SYNCRIP: variants seen among roughly 807,000 people sequenced by gnomAD.
SYNCRIP encodes the protein synaptotagmin binding cytoplasmic RNA interacting protein.
SYNCRIP carries 9 observed loss-of-function variants against 68.9 expected under a neutral mutation model. The ratio of observed to expected loss-of-function variants is 0.13; its 90% CI spans 0.08 to 0.23. The LOEUF (loss-of-function observed/expected upper bound fraction) is 0.23, where lower values mean the gene tolerates loss of function less well. Among genes scored for constraint, SYNCRIP ranks in the 10% least tolerant of loss-of-function variants. The pLI, the probability that SYNCRIP is intolerant of heterozygous loss-of-function variation, is 1.00. For synonymous variants in SYNCRIP, 258 were observed against 254.0 expected, an observed-to-expected ratio of 1.02 and a Z score of -0.15; for missense variants, 414 against 770.6, an observed-to-expected ratio of 0.54 and a Z score of 5.48.
chr6:85,614,735 T>C lies in SYNCRIP; in HGVS notation c.*21A>G. On this transcript the variant is annotated 3_prime_UTR_variant, in exon 11 of 11. Coordinates refer to ENST00000369622, the MANE Select transcript of SYNCRIP (RefSeq NM_006372.5). ...TCTGATCAACCTATCAGTCTCCAAT[T>C]TTACAGAGGCCCTACTGTTTCTACT... The C allele has an allele frequency of 6.5e-7, 1 of 1,548,154 alleles. No homozygotes were observed. The highest frequency in any genetic ancestry group is 8.7e-7 in the Non-Finnish European group (1 of 1,150,880).
chr6:85,634,696 T>C (rs1393374177), intron 6 of SYNCRIP, among the ~76,000 whole-genome samples: 4 of 152,222 alleles, frequency 2.6e-5, no homozygotes, highest in African/African-American at 7.2e-5. Flanking sequence ...GTAGTTATGA[T>C]ACCTCATTGC....
intron 8 of SYNCRIP, among the ~76,000 whole-genome samples, chr6:85,621,806 A>G (rs939608642): frequency 6.6e-6 from 1 of 151,522 alleles, no homozygotes; most frequent in African/African-American, 2.4e-5. Context: ...TACTGTTTTT[A>G]GTAGTAAGAC....
downstream of SYNCRIP, chr6:85,612,895 T>G: frequency 6.4e-7 from 1 of 1,550,906 alleles, no homozygotes; most frequent in Non-Finnish European, 8.7e-7. Flanking sequence ...TTGTAACAGG[T>G]CAGGACCGGC....
At chr6:85,626,980 CT>C (rs1807110893) in intron 6 of SYNCRIP, among the ~76,000 whole-genome samples, 1 of 151,936 alleles carries the variant, frequency 6.6e-6, no homozygotes, top group Non-Finnish European at 1.5e-5. Flanking sequence ...AATTAAAAAA[CT>C]TGGGCCAGGC....
At position 85,637,219 on chromosome 6, in the gene SYNCRIP, G is replaced by C. The variant is rs747846396; in HGVS notation, c.489+24C>G. ...AGATACCTGTGCTTTTACTACAAAA[G>C]GTACAAGTTTTTAGTTGCTTTACCT... On this transcript the variant is annotated intron_variant, in intron 5 of 10. Transcript: ENST00000369622. The C allele has an allele frequency of 3.1e-6, 5 of 1,609,226 alleles. No homozygotes were observed. In the South Asian group the frequency reaches 5.5e-5, roughly 18 times the overall value.
chr6:85,627,762 GC>G (rs1051107087), intron 6 of SYNCRIP, among the ~76,000 whole-genome samples: 9 of 152,148 alleles, frequency 5.9e-5, no homozygotes, highest in Non-Finnish European at 1.0e-4. Flanking sequence ...TAAAAATCTA[GC>G]CTTCAAGCTC....
chr6:85,631,612 A>G (rs561736064), intron 6 of SYNCRIP, among the ~76,000 whole-genome samples: 3 of 152,350 alleles, frequency 2.0e-5, no homozygotes, highest in East Asian at 1.9e-4. Flanking sequence ...AAGAAGATAA[A>G]AAGTGTTAGA....
chr6:85,622,391 G>A lies in SYNCRIP; in HGVS notation c.1008+91C>T, dbSNP rs1214238313. On this transcript the variant is annotated intron_variant, in intron 8 of 10. Coordinates refer to ENST00000369622, the MANE Select transcript of SYNCRIP (RefSeq NM_006372.5). ...CTCTTGTCTCAAAAAATAAAAAAAT[G>A]TATACTGTTCATTTTATGTTCCCCC... The A allele has an allele frequency of 4.0e-5, 48 of 1,214,138 alleles. 1 individual carries two copies. Among genetic ancestry groups the A allele is most frequent in the Non-Finnish European group, 5.5e-5 (46 of 840,268 alleles). 75.2% of individuals were successfully genotyped at this position (1,214,138 alleles called of 1,614,324 possible). A position where few individuals can be genotyped will look rare whatever the true frequency, so the allele number is the denominator to read the frequency against.
At chr6:85,612,942 GA>G (rs1805356774), downstream of SYNCRIP, 1 of 1,550,010 alleles carries the variant, frequency 6.5e-7, no homozygotes, top group Admixed American at 2.0e-5. Context: ...GTAACAAAAG[GA>G]ATCAGTTAGA....
intron 1 of SYNCRIP, 134 bp from the exon 2 acceptor site, chr6:85,641,585 A>G (rs1809159431): frequency 1.2e-6 from 1 of 861,124 alleles, no homozygotes; most frequent in Non-Finnish European, 1.7e-6. Flanking sequence ...AAAGCCTTAC[A>G]GTCACTATCG....
chr6:85,629,710 T>C (rs1344731766), intron 6 of SYNCRIP, among the ~76,000 whole-genome samples: 1 of 152,016 alleles, frequency 6.6e-6, no homozygotes, highest in East Asian at 1.9e-4. Context: ...TAGTCCCAGC[T>C]ACTCGGGAGG....
At chr6:85,609,549 G>T (rs1297336987), downstream of SYNCRIP, 3 of 151,944 alleles carry the variant, frequency 2.0e-5, no homozygotes, top group East Asian at 3.8e-4. Context: ...TACAACAGTT[G>T]TGTGTGTGCA....
At chr6:85,629,745 C>A (rs920951244) in intron 6 of SYNCRIP, among the ~76,000 whole-genome samples, 2 of 151,966 alleles carry the variant, frequency 1.3e-5, no homozygotes, top group Admixed American at 6.6e-5. Context: ...TCGCTTGAAC[C>A]TGGGAGGCGG....
chr6:85,614,540 A>G lies in SYNCRIP; in HGVS notation c.*216T>C. Reference sequence around the variant, plus strand: ...AAACTCATTAACTATTTCTTTCAGTATCTAAGAATATCTTTATTGAAAAAA... The same window carrying G: ...AAACTCATTAACTATTTCTTTCAGTGTCTAAGAATATCTTTATTGAAAAAA... On this transcript the variant is annotated 3_prime_UTR_variant, in exon 11 of 11. Transcript: ENST00000369622. The G allele has an allele frequency of 7.9e-7, 1 of 1,267,484 alleles. No homozygotes were observed. The highest frequency in any genetic ancestry group is 9.9e-7 in the Non-Finnish European group (1 of 1,008,310). 78.5% of individuals were successfully genotyped at this position (1,267,484 alleles called of 1,614,324 possible).
At chr6:85,612,107 G>A (rs1805298651), downstream of SYNCRIP, 1 of 152,124 alleles carries the variant, frequency 6.6e-6, no homozygotes, top group Non-Finnish European at 1.5e-5. Flanking sequence ...TGATGGTCAT[G>A]AGGAAGTCTT....
chr6:85,618,449 G>C (rs1806028631), intron 10 of SYNCRIP, among the ~76,000 whole-genome samples: 1 of 151,962 alleles, frequency 6.6e-6, no homozygotes, highest in Non-Finnish European at 1.5e-5. Flanking sequence ...ACTGAGGCAG[G>C]AGAATCTCTT....
chr6:85,609,537 T>A (rs1805087541), downstream of SYNCRIP: 1 of 151,958 alleles, frequency 6.6e-6, no homozygotes, highest in African/African-American at 2.4e-5. Flanking sequence ...CAATCATGAG[T>A]GTACAACAGT....
intron 6 of SYNCRIP, among the ~76,000 whole-genome samples, chr6:85,631,706 C>T (rs1807816049): frequency 6.6e-6 from 1 of 152,216 alleles, no homozygotes; most frequent in Middle Eastern, 3.2e-3. Context: ...TTAAAGTTAT[C>T]AGGCTACCTG....
At chr6:85,618,642 T>C (rs1032650680) in intron 10 of SYNCRIP, among the ~76,000 whole-genome samples, 176 bp downstream of exon 10, 2 of 152,234 alleles carry the variant, frequency 1.3e-5, no homozygotes, top group Admixed American at 6.5e-5. Context: ...ATATGGTTCA[T>C]AGTAAGAGTT....
Sources: gnomAD v4.1 joint callset for allele counts (sites outside exome capture counted in the v4.1 genomes callset) on GRCh38, gnomAD v4.1.1 for gene constraint, MANE v1.5 for transcripts, NCBI Gene and HGNC (gene_info 2026-07-23, HGNC 2026-07-21) for gene names.